Variants in ANK2 observed in about 807,000 individuals in gnomAD.
ANK2 encodes ankyrin 2.
Under a neutral mutation model 360.5 loss-of-function variants are expected in ANK2, and 83 were observed. The observed-to-expected ratio is 0.23, with a 90% confidence interval of 0.19 to 0.28. ANK2 has a LOEUF of 0.28. Ranked by LOEUF, ANK2 falls within the 10% of genes least tolerant of loss-of-function variation. ANK2 has a pLI of 1.00. For synonymous variants in ANK2, 1,740 were observed against 1,759.5 expected (o/e 0.99, Z 0.28); for missense variants, 4,201 against 4,795.7 (o/e 0.88, Z 3.66).
chr4:113,209,817 A>G (rs2099000034), intron 4 of ANK2, among the ~76,000 whole-genome samples: 1 of 150,774 alleles, frequency 6.6e-6, no homozygotes, highest in Non-Finnish European at 1.5e-5. Flanking sequence ...TTGGGTAAGG[A>G]AGAGAAGCTT....
At chr4:113,234,162 A>G (rs2099352676) in intron 5 of ANK2, among the ~76,000 whole-genome samples, 1 of 152,202 alleles carries the variant, frequency 6.6e-6, no homozygotes. Context: ...TGGCATTCCC[A>G]GCTGTCTCAT....
At chr4:113,331,400 G>A (rs1462420573) in intron 27 of ANK2, among the ~76,000 whole-genome samples, 1 of 152,180 alleles carries the variant, frequency 6.6e-6, no homozygotes, top group Non-Finnish European at 1.5e-5. Flanking sequence ...CACCTGAAAA[G>A]GGGTGTGTTT....
intron 45 of ANK2, 68 bp downstream of exon 45, chr4:113,373,517 G>C (rs2154075623): frequency 5.3e-4 from 773 of 1,446,318 alleles, no homozygotes; most frequent in Middle Eastern, 7.0e-4. Flanking sequence ...AGAAAGATGA[G>C]TGAGATTGTT....
At chr4:113,219,193 A>AT (rs1259233337) in intron 4 of ANK2, among the ~76,000 whole-genome samples, 3 of 152,144 alleles carry the variant, frequency 2.0e-5, no homozygotes, top group African/African-American at 7.2e-5. Flanking sequence ...TTGTTAGACA[A>AT]TTTGAAAGTC....
At chr4:112,931,157 A>T (rs1324167515) in intron 2 of ANK2, among the ~76,000 whole-genome samples, 1 of 152,042 alleles carries the variant, frequency 6.6e-6, no homozygotes, top group Non-Finnish European at 1.5e-5. Flanking sequence ...CCCAGGGTCG[A>T]CTCTGCACAT....
At position 113,181,910 on chromosome 4, in the gene ANK2, G is replaced by A. The variant is rs146218631; in HGVS notation, c.186+7393G>A. On this transcript the variant is annotated intron_variant, in intron 2 of 45. Transcript: ENST00000357077. ...TTTTAAGGACTTTGGCTTTAATTCCGAATGAGCAGAGAAGTGATTAGAGGG... is the reference window on the plus strand; with the variant it reads ...TTTTAAGGACTTTGGCTTTAATTCCAAATGAGCAGAGAAGTGATTAGAGGG... Among the ~76,000 whole-genome samples the A allele has an allele frequency of 1.7e-4, 26 of 152,240 alleles. No individual in the cohort carries two copies. The East Asian group carries it at 3.3e-3, about 19-fold the overall frequency.
At chr4:113,056,436 G>C (rs2069865257) in intron 1 of ANK2, among the ~76,000 whole-genome samples, 1 of 152,052 alleles carries the variant, frequency 6.6e-6, no homozygotes, top group Non-Finnish European at 1.5e-5. Flanking sequence ...TCCTGATTCA[G>C]AGCATGCTAA....
chr4:112,987,510 G>A (rs2045332975), intron 2 of ANK2, among the ~76,000 whole-genome samples: 1 of 152,094 alleles, frequency 6.6e-6, no homozygotes, highest in Non-Finnish European at 1.5e-5. Context: ...ACAAGTCTTT[G>A]GAGAAGGGAA....
At chr4:112,973,039 G>A (rs990053331) in intron 2 of ANK2, among the ~76,000 whole-genome samples, 8 of 152,022 alleles carry the variant, frequency 5.3e-5, no homozygotes, top group Admixed American at 4.6e-4. Context: ...GGAGGGGAGC[G>A]AGGGATAAAA....
chr4:112,882,367 G>A (rs1233668354), intron 1 of ANK2: 2 of 152,216 alleles, frequency 1.3e-5, no homozygotes, highest in Non-Finnish European at 2.9e-5. Context: ...TACTCGGGAG[G>A]CTAAGGTGGG....
intron 2 of ANK2, among the ~76,000 whole-genome samples, chr4:112,934,376 A>T (rs1263079583): frequency 6.6e-6 from 1 of 152,188 alleles, no homozygotes; most frequent in African/African-American, 2.4e-5. Flanking sequence ...CTGTGGCTTC[A>T]TGAGTCCCTG....
chr4:113,176,808 G>A (rs1352185911), intron 2 of ANK2, among the ~76,000 whole-genome samples: 1 of 152,026 alleles, frequency 6.6e-6, no homozygotes, highest in African/African-American at 2.4e-5. Context: ...GGCCCTGGGT[G>A]TGTGATATTC....
intron 2 of ANK2, among the ~76,000 whole-genome samples, chr4:112,923,046 A>G (rs1415389691): frequency 6.6e-6 from 1 of 151,916 alleles, no homozygotes; most frequent in East Asian, 1.9e-4. Context: ...GTCACAAGAT[A>G]TGTACTTCCA....
intron 2 of ANK2, among the ~76,000 whole-genome samples, chr4:112,958,737 T>C (rs1237148332): frequency 6.6e-6 from 1 of 152,236 alleles, no homozygotes; most frequent in African/African-American, 2.4e-5. Context: ...TACCATGTTA[T>C]GATGCATTAT....
intron 15 of ANK2, among the ~76,000 whole-genome samples, chr4:113,275,391 G>A (rs570181890): frequency 4.1e-4 from 62 of 152,314 alleles, no homozygotes; most frequent in Admixed American, 2.6e-4. Flanking sequence ...AATTGAGCCA[G>A]TGCAAGTGAA....
rs962790086 is a variant in ANK2 at position 113,230,406 on chromosome 4, T to G, written c.385-1755T>G. 3.9e-5 allele frequency among the ~76,000 whole-genome samples: 6 copies of G among 152,198 alleles called. No homozygotes were observed. In the South Asian group the frequency reaches 1.2e-3, roughly 32 times the overall value. On this transcript the variant is annotated intron_variant, in intron 4 of 45. Coordinates refer to ENST00000357077, the MANE Select transcript of ANK2 (RefSeq NM_001148.6). The stretch of plus-strand genomic sequence containing the variant: ...GTTTTCTCCCTGTAGTCCCAGCTAC[T>G]CGGGAGGCTGAGGCAGGAGGATCGC...
chr4:112,922,115 T>C (rs971445984), intron 2 of ANK2, among the ~76,000 whole-genome samples: 15 of 152,242 alleles, frequency 9.9e-5, no homozygotes, highest in African/African-American at 3.6e-4. Context: ...TGTGCCCACA[T>C]ACACCAGTTT....
At chr4:113,327,260 G>A (rs1374687602) in intron 26 of ANK2, among the ~76,000 whole-genome samples, 1 of 151,936 alleles carries the variant, frequency 6.6e-6, no homozygotes, top group African/African-American at 2.4e-5. Context: ...CAAACTTCTG[G>A]TTTTTGCTTA....
intron 15 of ANK2, among the ~76,000 whole-genome samples, chr4:113,275,937 GTTTTT>G (rs557950582): frequency 8.4e-6 from 1 of 118,866 alleles, no homozygotes; most frequent in Non-Finnish European, 1.7e-5. Context: ...GTTAAACAGT[GTTTTT>G]TTTTTTTTTT....
Sources: allele counts gnomAD v4.1 joint callset (sites outside exome capture counted in the v4.1 genomes callset), GRCh38; gene constraint gnomAD v4.1.1; transcripts MANE v1.5; gene names NCBI Gene and HGNC (gene_info 2026-07-23, HGNC 2026-07-21).